The following MYO1D variants were observed in gnomAD, a reference collection of about 807,000 sequenced individuals.
MYO1D encodes the protein unconventional myosin-Id.
A neutral mutation model predicts 122.0 loss-of-function variants in MYO1D; 83 were observed. The observed-to-expected ratio is 0.68, with a 90% CI of 0.57 to 0.82. MYO1D has a LOEUF of 0.82. Ranked by LOEUF, MYO1D falls within the 40% of genes least tolerant of loss-of-function variation. The pLI is 0.00. For synonymous variants in MYO1D, 464 were observed against 446.9 expected, an observed-to-expected ratio of 1.04 and a Z score of -0.48; for missense variants, 1,157 against 1,269.5, an observed-to-expected ratio of 0.91 and a Z score of 1.35.
chr17:32,723,818 A>G (rs2089539982), intron 14 of MYO1D, among the ~76,000 whole-genome samples: 1 of 152,178 alleles, frequency 6.6e-6, no homozygotes, highest in Non-Finnish European at 1.5e-5. Context: ...CCCCTGAATC[A>G]TGACAAAGAA....
chr17:32,677,542 A>C (rs962706852), intron 16 of MYO1D, among the ~76,000 whole-genome samples: 6 of 150,588 alleles, frequency 4.0e-5, no homozygotes, highest in Admixed American at 6.7e-5. Flanking sequence ...AGGTGTAAAA[A>C]GTCACTGGGA....
chr17:32,842,087 G>A (rs754568112), intron 1 of MYO1D, among the ~76,000 whole-genome samples: 5 of 152,174 alleles, frequency 3.3e-5, no homozygotes, highest in Non-Finnish European at 5.9e-5. Flanking sequence ...AGTCTCGGCA[G>A]CCCCAATATT....
At chr17:32,572,374 C>T (rs904170115) in intron 21 of MYO1D, among the ~76,000 whole-genome samples, 1 of 152,160 alleles carries the variant, frequency 6.6e-6, no homozygotes, top group African/African-American at 2.4e-5. Flanking sequence ...AGTGCTACTC[C>T]ATCTACCCAG....
At chr17:32,641,762 C>T (rs2088204342) in intron 19 of MYO1D, among the ~76,000 whole-genome samples, 1 of 152,164 alleles carries the variant, frequency 6.6e-6, no homozygotes, top group African/African-American at 2.4e-5. Context: ...ATATCTTTCT[C>T]CCACTTGTTG....
intron 16 of MYO1D, among the ~76,000 whole-genome samples, chr17:32,664,896 A>C (rs1567937567): frequency 2.0e-5 from 3 of 152,134 alleles, no homozygotes; most frequent in African/African-American, 7.2e-5. Flanking sequence ...TGAGCAGAAA[A>C]GCCAAAGTCC....
At chr17:32,689,573 T>C (rs1439601708) in intron 16 of MYO1D, among the ~76,000 whole-genome samples, 3 of 152,166 alleles carry the variant, frequency 2.0e-5, no homozygotes, top group Non-Finnish European at 4.4e-5. Context: ...AATGGGTGTG[T>C]GTGTAGATAT....
intron 1 of MYO1D, among the ~76,000 whole-genome samples, chr17:32,789,322 C>T (rs544935109): frequency 1.8e-4 from 28 of 152,180 alleles, no homozygotes; most frequent in African/African-American, 6.5e-4. Context: ...AAGTGGTGAA[C>T]GTGGGCATTC....
rs1229930908 is a variant in MYO1D at position 32,712,176 on chromosome 17, A to C, written c.1933T>G (p.Phe645Val). The C allele has an allele frequency of 1.2e-6, 2 of 1,613,486 alleles. No homozygotes were observed. The highest frequency in any genetic ancestry group is 1.7e-6 in the Non-Finnish European group (2 of 1,179,638). The change falls in exon 16 of 22, where the codon TTC becomes GTC. Residue 645 changes from phenylalanine to valine, a missense_variant. Coordinates refer to ENST00000318217, the MANE Select transcript of MYO1D (RefSeq NM_015194.3). ...FLHRYKMISE[F>V]TWPNHDLPSD... ...GGAAGGTCATGGTTGGGCCAGGTGA[A>C]TTCAGAGATCATCTTATACCTGGAT...
chr17:32,505,996 A>T (rs1909490482), intron 21 of MYO1D, among the ~76,000 whole-genome samples: 1 of 152,166 alleles, frequency 6.6e-6, no homozygotes, highest in African/African-American at 2.4e-5. Context: ...AGGTGGGAGG[A>T]CCGCTTTAAG....
chr17:32,544,369 G>C (rs1405940170), intron 21 of MYO1D, among the ~76,000 whole-genome samples: 1 of 152,136 alleles, frequency 6.6e-6, no homozygotes, highest in African/African-American at 2.4e-5. Context: ...CCAAAGTGCT[G>C]AGATTACAGG....
chr17:32,826,048 T>TA (rs5819999), intron 1 of MYO1D, among the ~76,000 whole-genome samples: 42,378 of 119,180 alleles, frequency 0.36, 7,823 homozygotes, highest in East Asian at 0.52. Context: ...AACTCCATCT[T>TA]AAAAAAAAAA....
intron 21 of MYO1D, chr17:32,594,549 A>C (rs1238107823): frequency 4.5e-6 from 3 of 662,990 alleles, no homozygotes; most frequent in Non-Finnish European, 5.4e-6. Context: ...TTTTATTCAG[A>C]GTATAAGCAG....
chr17:32,745,452 T>C, intron 12 of MYO1D, 167 bp from the exon 13 acceptor site: 1 of 532,466 alleles, frequency 1.9e-6, no homozygotes. Context: ...ATTTACCTAC[T>C]AAATAGAAGG....
intron 20 of MYO1D, among the ~76,000 whole-genome samples, chr17:32,616,184 AG>A (rs976078406): frequency 1.3e-5 from 2 of 152,208 alleles, no homozygotes; most frequent in African/African-American, 4.8e-5. Context: ...TTCAGATTGC[AG>A]GAACTCTACT....
Position 32,605,189 on chromosome 17 carries a change from G to T in MYO1D, c.2762C>A (p.Thr921Lys). 1 of 1,608,160 alleles carries T rather than the reference G, an allele frequency of 6.2e-7. No individual in the cohort carries two copies. The highest frequency in any genetic ancestry group is 8.5e-7 in the Non-Finnish European group (1 of 1,175,562). Reference protein sequence around the residue: ...NGKDQLVVFHTKDNKDLIVCL... With the variant: ...NGKDQLVVFHKKDNKDLIVCL... ...GACAATGAGGTCTTTGTTGTCTTTC[G>T]TATGGAACACTACAAGTTGGTCCTT... Residue 921 changes from threonine to lysine, a missense_variant, in exon 21 of 22, where the codon ACG becomes AAG. By Grantham distance (78) the Thr-to-Lys change is moderately conservative (BLOSUM62 -1). Transcript: ENST00000318217.
intron 1 of MYO1D, among the ~76,000 whole-genome samples, chr17:32,785,491 T>C (rs901119372): frequency 6.6e-6 from 1 of 152,236 alleles, no homozygotes; most frequent in African/African-American, 2.4e-5. Flanking sequence ...TGAACGTTCC[T>C]ATTTCTCAGG....
chr17:32,857,584 CAAA>C (rs563112277), intron 1 of MYO1D, among the ~76,000 whole-genome samples: 3 of 107,812 alleles, frequency 2.8e-5, no homozygotes, highest in Admixed American at 1.0e-4. Context: ...GACTCCACCT[CAAA>C]AAAAAAAAAA....
chr17:32,560,906 C>G (rs1256949079), intron 21 of MYO1D, among the ~76,000 whole-genome samples: 2 of 147,924 alleles, frequency 1.4e-5, no homozygotes, highest in Admixed American at 1.3e-4. Context: ...GCATGAGCCA[C>G]TATGCGTGGC....
intron 20 of MYO1D, among the ~76,000 whole-genome samples, chr17:32,635,924 GT>G (rs1335254887): frequency 6.6e-5 from 10 of 152,050 alleles, no homozygotes; most frequent in African/African-American, 1.2e-4. Flanking sequence ...TGTTCCCATA[GT>G]TTTTTTCTTT....
Sources: gnomAD v4.1 joint callset for allele counts (sites outside exome capture counted in the v4.1 genomes callset) on GRCh38, gnomAD v4.1.1 for gene constraint, MANE v1.5 for transcripts, NCBI Gene and HGNC (gene_info 2026-07-23, HGNC 2026-07-21) for gene names.